The following USP37 variants were observed in gnomAD, a reference collection of about 807,000 sequenced individuals.
USP37 encodes the protein ubiquitin specific peptidase 37.
Under a neutral mutation model 124.0 loss-of-function variants are expected in USP37, and 27 were observed. The ratio of observed to expected loss-of-function variants is 0.22; its 90% CI spans 0.16 to 0.30. The LOEUF is 0.30. Ranked by LOEUF, USP37 falls within the 10% of genes least tolerant of loss-of-function variation. The pLI is 1.00. For synonymous variants in USP37, 365 were observed against 388.0 expected (o/e 0.94, Z 0.70); for missense variants, 889 against 1,140.4 (o/e 0.78, Z 3.17).
chr2:218,475,371 G>A (rs1404931528), intron 19 of USP37, among the ~76,000 whole-genome samples: 3 of 151,850 alleles, frequency 2.0e-5, no homozygotes, highest in African/African-American at 4.8e-5. Context: ...TAATCCCAGC[G>A]GTGGATCACC....
intron 10 of USP37, among the ~76,000 whole-genome samples, chr2:218,520,619 T>A (rs1009734687): frequency 3.3e-5 from 5 of 152,238 alleles, no homozygotes; most frequent in Non-Finnish European, 7.3e-5. Context: ...CCCAAAGTAC[T>A]GGGATTACAG....
At chr2:218,508,398 G>A (rs2106001396) in intron 11 of USP37, among the ~76,000 whole-genome samples, 1 of 151,928 alleles carries the variant, frequency 6.6e-6, no homozygotes, top group African/African-American at 2.4e-5. Flanking sequence ...ATGGGTATAG[G>A]TACTATACAG....
At chr2:218,529,461 G>A (rs1193242479) in intron 10 of USP37, among the ~76,000 whole-genome samples, 5 of 142,760 alleles carry the variant, frequency 3.5e-5, no homozygotes, top group Admixed American at 1.4e-4. Context: ...GTGACAGGGC[G>A]AGACTTGGTC....
chr2:218,454,057 G>A lies in USP37; in HGVS notation c.*873C>T, dbSNP rs1051430831. 4 of 152,382 alleles carry A rather than the reference G, an allele frequency of 2.6e-5. No individual in the cohort carries two copies. Among genetic ancestry groups the A allele is most frequent in the Non-Finnish European group, 5.9e-5 (4 of 68,016 alleles). The allele number at this position is 152,382 out of a possible 1,614,324, so 9.4% of individuals were successfully genotyped here. On this transcript the variant is annotated 3_prime_UTR_variant, in exon 26 of 26. Transcript: ENST00000258399. ...AAAGTTTTGGTTGCAATCCATTAGG[G>A]TAATGCTGCTCCATGGCAGAATGAC...
intron 6 of USP37, among the ~76,000 whole-genome samples, chr2:218,547,583 CA>C (rs58787835): frequency 0.13 from 9,431 of 71,662 alleles, 899 homozygotes; most frequent in African/African-American, 0.37. Flanking sequence ...AATTACTAAC[CA>C]AAAAAAAAAA....
intron 8 of USP37, among the ~76,000 whole-genome samples, chr2:218,540,286 A>G (rs574912151): frequency 1.4e-4 from 21 of 152,276 alleles, no homozygotes; most frequent in African/African-American, 4.8e-4. Flanking sequence ...CCCAGGCCAG[A>G]TGGAATGGGA....
intron 13 of USP37, among the ~76,000 whole-genome samples, chr2:218,497,128 T>C (rs533205001): frequency 8.5e-4 from 129 of 152,140 alleles, no homozygotes; most frequent in Non-Finnish European, 1.6e-3. Flanking sequence ...TGGAGTGCAA[T>C]GGTGCGATCT....
At chr2:218,529,422 A>G (rs1034475876) in intron 10 of USP37, among the ~76,000 whole-genome samples, 1 of 151,008 alleles carries the variant, frequency 6.6e-6, no homozygotes, top group Non-Finnish European at 1.5e-5. Context: ...GTGAGCCAAG[A>G]TAGCACCACT....
At chr2:218,491,280 A>G (rs1691930679) in intron 14 of USP37, among the ~76,000 whole-genome samples, 1 of 152,198 alleles carries the variant, frequency 6.6e-6, no homozygotes, top group Non-Finnish European at 1.5e-5. Flanking sequence ...CACTGTTGTG[A>G]AGTGCCTATG....
chr2:218,459,806 A>G lies in USP37; in HGVS notation c.2627T>C (p.Leu876Pro). ...AACAATTACCTCAGCATTTCTTTTCAGTTCCTCAGCTTCAGCTTCTGTGTA... is the reference window on the plus strand; with the variant it reads ...AACAATTACCTCAGCATTTCTTTTCGGTTCCTCAGCTTCAGCTTCTGTGTA... Reference protein sequence around the residue: ...MEYTEAEAEELKRNAETGNLP... With the variant: ...MEYTEAEAEEPKRNAETGNLP... The change falls in exon 23 of 26, where the codon CTG becomes CCG. Residue 876 changes from leucine to proline, a missense_variant. This residue lies in a region of USP37 where 504 missense variants were observed against 714.3 expected (regional missense o/e 0.71). Transcript: ENST00000258399. 1 of 1,613,586 alleles carries G rather than the reference A, an allele frequency of 6.2e-7. No individual in the cohort carries two copies. The highest frequency in any genetic ancestry group is 8.5e-7 in the Non-Finnish European group (1 of 1,179,728).
At chr2:218,467,719 G>A (rs1429030039) in intron 20 of USP37, among the ~76,000 whole-genome samples, 5 of 151,200 alleles carry the variant, frequency 3.3e-5, no homozygotes, top group African/African-American at 1.2e-4. Context: ...CCTGACCTCA[G>A]GTGATCCACC....
At chr2:218,471,863 TAA>T (rs1369984974) in intron 20 of USP37, among the ~76,000 whole-genome samples, 1 of 151,790 alleles carries the variant, frequency 6.6e-6, no homozygotes, top group Non-Finnish European at 1.5e-5. Flanking sequence ...CCATGTCTAT[TAA>T]AAACACACAA....
intron 8 of USP37, 87 bp from the exon 9 acceptor site, chr2:218,534,793 A>G: frequency 1.2e-6 from 1 of 832,590 alleles, no homozygotes; most frequent in African/African-American, 1.8e-5. Context: ...AAACATTTAC[A>G]TTTAAAGTGC....
At chr2:218,512,016 C>T (rs544936087) in intron 10 of USP37, among the ~76,000 whole-genome samples, 2 of 152,168 alleles carry the variant, frequency 1.3e-5, no homozygotes, top group South Asian at 4.1e-4. Context: ...TTCTGTAAGG[C>T]AAACCAATTG....
Position 218,459,920 on chromosome 2 carries a change from G to C in USP37, c.2528-15C>G. 6.3e-7 allele frequency: 1 copy of C among 1,595,756 alleles called. No homozygotes were observed. Among genetic ancestry groups the C allele is most frequent in the African/African-American group, 1.3e-5 (1 of 74,442 alleles). On this transcript the variant is annotated splice_polypyrimidine_tract_variant and intron_variant, in intron 22 of 25. Coordinates refer to ENST00000258399, the MANE Select transcript of USP37 (RefSeq NM_020935.3). Reference sequence around the variant, plus strand: ...GTTGTTAAACTCTGAAGAATACAAAGACAAAATCTTATAAAAGTTCTTGGA... The same window carrying C: ...GTTGTTAAACTCTGAAGAATACAAACACAAAATCTTATAAAAGTTCTTGGA...
chr2:218,518,511 T>C (rs1445422977), intron 10 of USP37, among the ~76,000 whole-genome samples: 1 of 152,174 alleles, frequency 6.6e-6, no homozygotes, highest in East Asian at 1.9e-4. Context: ...ATAACATTTA[T>C]TTCAGGTAGT....
intron 22 of USP37, among the ~76,000 whole-genome samples, chr2:218,461,808 G>A (rs1415383223): frequency 1.3e-5 from 2 of 151,582 alleles, no homozygotes; most frequent in African/African-American, 2.4e-5. Flanking sequence ...TCAGGAGTTC[G>A]AGACCAGCCT....
chr2:218,480,230 C>T (rs1473302229), intron 17 of USP37, among the ~76,000 whole-genome samples: 6 of 150,770 alleles, frequency 4.0e-5, no homozygotes, highest in African/African-American at 2.4e-5. Context: ...AAACCCGTTT[C>T]TACTAAAAAA....
intron 11 of USP37, among the ~76,000 whole-genome samples, chr2:218,503,788 T>A (rs1356985475): frequency 6.6e-6 from 1 of 151,788 alleles, no homozygotes; most frequent in Non-Finnish European, 1.5e-5. Flanking sequence ...TGGGAGGCAA[T>A]AATGGAGATA....
Sources: allele counts gnomAD v4.1 joint callset (sites outside exome capture counted in the v4.1 genomes callset), GRCh38; gene constraint gnomAD v4.1.1; regional missense constraint gnomAD v4.1.1; transcripts MANE v1.5; gene names NCBI Gene and HGNC (gene_info 2026-07-23, HGNC 2026-07-21).